Variants in TMEM200A observed in about 807,000 individuals in gnomAD.
The protein encoded by TMEM200A is two transmembrane C.
Under a neutral mutation model 24.3 loss-of-function variants are expected in TMEM200A, and 12 were observed. The observed-to-expected ratio is 0.49, with a 90% CI of 0.32 to 0.80. The LOEUF (loss-of-function observed/expected upper bound fraction) is 0.80. Ranked by LOEUF, TMEM200A falls within the 30% of genes least tolerant of loss-of-function variation. The pLI, the probability that TMEM200A is intolerant of heterozygous loss-of-function variation, is 0.04. For missense variants in TMEM200A, 545 were observed against 614.4 expected, an observed-to-expected ratio of 0.89 and a Z score of 1.19; for synonymous variants, 224 against 224.4, an observed-to-expected ratio of 1.00 and a Z score of 0.02.
chr6:130,377,605 C>T (rs1778491724), intron 1 of TMEM200A, among the ~76,000 whole-genome samples: 1 of 152,186 alleles, frequency 6.6e-6, no homozygotes. Context: ...CCTCCAAGTC[C>T]TCCTGCAGTT....
intron 2 of TMEM200A, among the ~76,000 whole-genome samples, chr6:130,396,362 C>CT (rs1334161213): frequency 7.9e-5 from 10 of 126,132 alleles, no homozygotes; most frequent in African/African-American, 3.3e-4. Context: ...TCTGACCAGT[C>CT]TGTTTTTTTT....
chr6:130,429,047 T>A lies in TMEM200A; in HGVS notation c.-16-11360T>A, dbSNP rs185953069. On this transcript the variant is annotated intron_variant, in intron 2 of 2. Coordinates refer to ENST00000296978, the MANE Select transcript of TMEM200A (RefSeq NM_001258277.2). ...AGAAAGGTCTATGTTAAAAAAACTA[T>A]GGCATAAAACGTATTTTTAGATAAA... Among the ~76,000 whole-genome samples, 22 of 152,272 alleles carry A rather than the reference T, an allele frequency of 1.4e-4. 1 individual carries two copies. The highest frequency in any genetic ancestry group is 5.3e-4 in the African/African-American group (22 of 41,578).
At chr6:130,410,640 C>T (rs568120986) in intron 2 of TMEM200A, among the ~76,000 whole-genome samples, 122 of 152,204 alleles carry the variant, frequency 8.0e-4, no homozygotes, top group African/African-American at 2.6e-3. Flanking sequence ...GTGGCAGATC[C>T]GTTGTTTCAA....
Position 130,441,942 on chromosome 6 carries a change from C to T in TMEM200A, c.*44C>T, listed in dbSNP as rs187137454. On this transcript the variant is annotated 3_prime_UTR_variant, in exon 3 of 3. Coordinates refer to ENST00000296978, the MANE Select transcript of TMEM200A (RefSeq NM_001258277.2). ...TTTTACAAGGGTATATATTTTAAAACGATTTTCACTGGTGTTTCCTTCTTA... is the reference window on the plus strand; with the variant it reads ...TTTTACAAGGGTATATATTTTAAAATGATTTTCACTGGTGTTTCCTTCTTA... The T allele has an allele frequency of 2.2e-5, 33 of 1,498,654 alleles. No individual in the cohort carries two copies. Among genetic ancestry groups the T allele is most frequent in the East Asian group, 2.3e-5 (1 of 43,628 alleles). 92.8% of individuals were successfully genotyped at this position (1,498,654 alleles called of 1,614,324 possible).
Position 130,409,788 on chromosome 6 carries a change from C to T in TMEM200A, c.-17+24552C>T, listed in dbSNP as rs464416. Reference sequence around the variant, plus strand: ...GTATGATTTTTGAGGCAGTTATTCTCTATGGAATAATATGGCCTTATGTAT... The same window carrying T: ...GTATGATTTTTGAGGCAGTTATTCTTTATGGAATAATATGGCCTTATGTAT... On this transcript the variant is annotated intron_variant, in intron 2 of 2. Transcript: ENST00000296978. Among the ~76,000 whole-genome samples, 992 of 150,832 alleles carry T rather than the reference C, an allele frequency of 6.6e-3. 4 individuals are homozygous for T. Among genetic ancestry groups the T allele is most frequent in the Non-Finnish European group, 9.8e-3 (662 of 67,830 alleles).
In TMEM200A at chr6:130,442,065, T is replaced by C; in HGVS notation, c.*167T>C. The C allele has an allele frequency of 1.6e-6, 1 of 623,490 alleles. No individual in the cohort carries two copies. The highest frequency in any genetic ancestry group is 2.5e-5 in the South Asian group (1 of 39,316). The allele number at this position is 623,490 out of a possible 1,614,324, so 38.6% of individuals were successfully genotyped here. On this transcript the variant is annotated 3_prime_UTR_variant, in exon 3 of 3. Transcript: ENST00000296978. ...AAGATGGTTGTATGTTTGGGTTACT[T>C]GTGACTGCAGTACTCTATGTTACCA... is the stretch of plus-strand genomic sequence containing the variant.
chr6:130,397,664 G>A (rs903648435), intron 2 of TMEM200A, among the ~76,000 whole-genome samples: 1 of 151,252 alleles, frequency 6.6e-6, no homozygotes, highest in Non-Finnish European at 1.5e-5. Context: ...CTTTTATCTG[G>A]TAAATTTAGT....
intron 2 of TMEM200A, among the ~76,000 whole-genome samples, chr6:130,431,377 C>G (rs1197937633): frequency 6.6e-5 from 10 of 152,148 alleles, no homozygotes; most frequent in Non-Finnish European, 1.3e-4. Context: ...TTCAGTTCTT[C>G]ATCCAGGAAT....
chr6:130,383,113 T>G, intron 1 of TMEM200A: 3 of 962,472 alleles, frequency 3.1e-6, no homozygotes, highest in Non-Finnish European at 3.7e-6. Flanking sequence ...CACATTCAAT[T>G]GAATTAGGAC....
chr6:130,435,799 A>C (rs6927593), intron 2 of TMEM200A, among the ~76,000 whole-genome samples: 75,679 of 152,094 alleles, frequency 0.5, 22,869 homozygotes, highest in African/African-American at 0.85. Flanking sequence ...GGAATAAGTC[A>C]CGGCCCTGCC....
intron 2 of TMEM200A, among the ~76,000 whole-genome samples, chr6:130,422,061 G>A (rs567847229): frequency 2.6e-5 from 4 of 152,096 alleles, no homozygotes; most frequent in East Asian, 1.9e-4. Flanking sequence ...TTATTTCTTC[G>A]GATAAATACA....
rs151101452 is a variant in TMEM200A at position 130,436,301 on chromosome 6, A to G, written c.-16-4106A>G. 9.2e-3 allele frequency among the ~76,000 whole-genome samples: 1,394 copies of G among 152,242 alleles called. 34 individuals carry two copies. Among genetic ancestry groups the G allele is most frequent in the African/African-American group, 0.03 (1,239 of 41,558 alleles). ...AAAGCACTTAGAACATTGCCTGACC[A>G]TAAGCAGTATGGGCTGTTATTACTA... On this transcript the variant is annotated intron_variant, in intron 2 of 2. Coordinates refer to ENST00000296978, the MANE Select transcript of TMEM200A (RefSeq NM_001258277.2).
At position 130,373,987 on chromosome 6, in the gene TMEM200A, C is replaced by T. The variant is rs117482387; in HGVS notation, c.-81+7463C>T. ...CCAAATCTCCCTTTTAGAATGTAGACTATGTAAGATATTGTGATTCATTTC... is the reference window on the plus strand; with the variant it reads ...CCAAATCTCCCTTTTAGAATGTAGATTATGTAAGATATTGTGATTCATTTC... On this transcript the variant is annotated intron_variant, in intron 1 of 2. Coordinates refer to ENST00000296978, the MANE Select transcript of TMEM200A (RefSeq NM_001258277.2). Among the ~76,000 whole-genome samples the T allele has an allele frequency of 3.7e-4, 57 of 152,058 alleles. 1 individual carries two copies. The East Asian group carries it at 0.011, about 29-fold the overall frequency.
At chr6:130,365,999 G>A (rs890312812), upstream of TMEM200A, 31 of 985,584 alleles carry the variant, frequency 3.1e-5, no homozygotes, top group African/African-American at 5.2e-4. Context: ...TATGGCGTGA[G>A]GTTTGGGGCT....
chr6:130,424,431 CTCATTTT>C (rs1779678035), intron 2 of TMEM200A, among the ~76,000 whole-genome samples: 1 of 152,106 alleles, frequency 6.6e-6, no homozygotes, highest in Admixed American at 6.6e-5. Context: ...ACTCTTTCTT[CTCATTTT>C]TCATACTTTC....
intron 2 of TMEM200A, chr6:130,437,044 GATTA>G (rs986263710): frequency 5.9e-5 from 9 of 152,086 alleles, no homozygotes; most frequent in African/African-American, 2.2e-4. Flanking sequence ...TACAAGTTCA[GATTA>G]ATTTTTTCTA....
At chr6:130,429,505 A>T (rs1387904069) in intron 2 of TMEM200A, among the ~76,000 whole-genome samples, 1 of 152,156 alleles carries the variant, frequency 6.6e-6, no homozygotes, top group Non-Finnish European at 1.5e-5. Context: ...AATATATGAA[A>T]TTGATATGTA....
intron 2 of TMEM200A, among the ~76,000 whole-genome samples, chr6:130,423,088 T>TTCTA (rs1482396422): frequency 1.3e-5 from 2 of 152,214 alleles, no homozygotes; most frequent in African/African-American, 4.8e-5. Context: ...TTAAGTGGCC[T>TTCTA]TCTATCTGGG....
chr6:130,440,890 A>G lies in TMEM200A; in HGVS notation c.468A>G (p.Lys156=). 1.2e-6 allele frequency: 2 copies of G among 1,614,072 alleles called. No homozygotes were observed. The highest frequency in any genetic ancestry group is 3.3e-4 in the Middle Eastern group (2 of 6,058). ...ATGAAAACCGTGACAAAGAGACCAA[A>G]ATCATACACATGAGGGATATCTATT... The part of the protein sequence containing the change: ...ILHENRDKET[K]IIHMRDIYST... The change falls in exon 3 of 3, where the codon AAA becomes AAG. Residue 156 remains lysine, a synonymous_variant. Transcript: ENST00000296978.
Sources: allele counts gnomAD v4.1 joint callset (sites outside exome capture counted in the v4.1 genomes callset), GRCh38; gene constraint gnomAD v4.1.1; transcripts MANE v1.5; gene names NCBI Gene and HGNC (gene_info 2026-07-23, HGNC 2026-07-21).